BIN1: variants seen among roughly 807,000 people sequenced by gnomAD.
BIN1 encodes the protein myc box-dependent-interacting protein 1.
A neutral mutation model predicts 82.0 loss-of-function variants in BIN1; 53 were observed. The observed-to-expected ratio is 0.65, with a 90% CI of 0.52 to 0.81. BIN1 has a LOEUF of 0.81. Among genes scored for constraint, BIN1 ranks in the 40% least tolerant of loss-of-function variants. The pLI is 0.00. For synonymous variants in BIN1, 302 were observed against 328.0 expected, an observed-to-expected ratio of 0.92 and a Z score of 0.86; for missense variants, 642 against 784.4, an observed-to-expected ratio of 0.82 and a Z score of 2.17.
intron 7 of BIN1, among the ~76,000 whole-genome samples, chr2:127,066,246 A>T (rs2105030415): frequency 6.6e-6 from 1 of 152,320 alleles, no homozygotes; most frequent in South Asian, 2.1e-4. Context: ...GGGGACAAGG[A>T]GGATGTGCTC....
chr2:127,059,146 C>T lies in BIN1; in HGVS notation c.867G>A (p.Ala289=), dbSNP rs201839857. ...FTVKAQPSDN[A]PAKGNKSPSP... is the part of the protein sequence containing the mutation. ...AAGGGCTCTTGTTCCCTTTTGCAGGCGCGTTGTCACTGTGGGGGAGGACAA... is the reference window on the plus strand; with the variant it reads ...AAGGGCTCTTGTTCCCTTTTGCAGGTGCGTTGTCACTGTGGGGGAGGACAA... Residue 289 remains alanine (A), a synonymous_variant, in exon 11 of 19, where the codon GCG becomes GCA. Coordinates refer to ENST00000316724, the MANE Select transcript of BIN1 (RefSeq NM_139343.3). This position sits in a 1 kb window ranked among gnomAD's most constrained non-coding sequence, Gnocchi z 6.7. 47 of 1,577,810 alleles carry T rather than the reference C, an allele frequency of 3.0e-5. No homozygotes were observed. In the Admixed American group the frequency reaches 5.0e-4, roughly 17 times the overall value.
intron 1 of BIN1, among the ~76,000 whole-genome samples, chr2:127,089,682 C>T (rs569880676): frequency 5.7e-4 from 87 of 152,196 alleles, no homozygotes; most frequent in African/African-American, 2.1e-3. Context: ...CTCTGGATGA[C>T]CAGCTCAGGG....
intron 1 of BIN1, among the ~76,000 whole-genome samples, chr2:127,088,016 C>T (rs1414231426): frequency 3.9e-5 from 6 of 152,184 alleles, no homozygotes; most frequent in African/African-American, 1.2e-4. Context: ...CAGCTTCTTC[C>T]CCACCCAGCC....
intron 5 of BIN1, among the ~76,000 whole-genome samples, chr2:127,069,269 T>C (rs934106337): frequency 1.3e-5 from 2 of 152,186 alleles, no homozygotes; most frequent in African/African-American, 4.8e-5. Flanking sequence ...GTCCACCAGC[T>C]GGTGACGTGT....
At chr2:127,081,784 ACCCACCACCCAGCTGCT>A in intron 1 of BIN1, 1 of 1,283,466 alleles carries the variant, frequency 7.8e-7, no homozygotes, top group Non-Finnish European at 1.0e-6. Flanking sequence ...CCTCCCAGGC[ACCCACCACCCAGCTGCT>A]GAGACCCCAG....
intron 1 of BIN1, among the ~76,000 whole-genome samples, chr2:127,081,524 C>T (rs1032163361): frequency 3.9e-5 from 6 of 152,120 alleles, no homozygotes; most frequent in Non-Finnish European, 7.4e-5. Flanking sequence ...GTCTGAATGG[C>T]ATGGCCCAGG....
At chr2:127,080,953 G>T (rs1687214756) in intron 1 of BIN1, among the ~76,000 whole-genome samples, 1 of 152,242 alleles carries the variant, frequency 6.6e-6, no homozygotes, top group African/African-American at 2.4e-5. Flanking sequence ...CCGGCACCCG[G>T]GTCCACAGGG....
At chr2:127,104,348 A>G (rs1680747083) in intron 1 of BIN1, among the ~76,000 whole-genome samples, 1 of 152,220 alleles carries the variant, frequency 6.6e-6, no homozygotes, top group South Asian at 2.1e-4. Flanking sequence ...CAGTCAAAAA[A>G]GAGCTGGCTT....
chr2:127,073,443 G>A (rs928999451), intron 2 of BIN1, among the ~76,000 whole-genome samples: 1 of 152,180 alleles, frequency 6.6e-6, no homozygotes, highest in Admixed American at 6.5e-5. Context: ...CTGTGTCCCA[G>A]CTACAGGACT....
intron 1 of BIN1, among the ~76,000 whole-genome samples, chr2:127,085,160 A>C (rs1373107464): frequency 6.6e-6 from 1 of 151,936 alleles, no homozygotes; most frequent in Non-Finnish European, 1.5e-5. Context: ...AGCTACGGGC[A>C]GCTGGGCCCC....
chr2:127,069,358 C>T (rs541130062), intron 5 of BIN1, among the ~76,000 whole-genome samples: 3 of 152,330 alleles, frequency 2.0e-5, no homozygotes, highest in African/African-American at 7.2e-5. Context: ...GAGCTTGAGG[C>T]ATCTGCACTG....
intron 15 of BIN1, among the ~76,000 whole-genome samples, 167 bp downstream of exon 15, chr2:127,052,088 C>G (rs1187107199): frequency 6.6e-6 from 1 of 152,232 alleles, no homozygotes; most frequent in South Asian, 2.1e-4. Flanking sequence ...TCCCTGGCAG[C>G]CTTGGTGACA....
At chr2:127,069,731 A>AACACACACACAC (rs3832046) in intron 5 of BIN1, among the ~76,000 whole-genome samples, 180 of 147,692 alleles carry the variant, frequency 1.2e-3, no homozygotes, top group African/African-American at 4.1e-3. Context: ...ACTCCGCAGC[A>AACACACACACAC]ACACACACAC....
intron 1 of BIN1, among the ~76,000 whole-genome samples, chr2:127,078,546 G>A (rs1300243975): frequency 6.6e-6 from 1 of 152,170 alleles, no homozygotes; most frequent in East Asian, 1.9e-4. Flanking sequence ...GTGGCAGCAG[G>A]GGGCAGGTGG....
At position 127,102,283 on chromosome 2, in the gene BIN1, G is replaced by A. The variant is rs549565133; in HGVS notation, c.84+4577C>T. On this transcript the variant is annotated intron_variant, in intron 1 of 18. Coordinates refer to ENST00000316724, the MANE Select transcript of BIN1 (RefSeq NM_139343.3). ...TTGTAAGGGACCAGCTGGGCTGGAC[G>A]CTGAGTCCAGGGACAAGGACCTGGT... is the stretch of plus-strand genomic sequence containing the variant. 1.2e-3 allele frequency among the ~76,000 whole-genome samples: 176 copies of A among 152,296 alleles called. 1 individual carries two copies. Among genetic ancestry groups the A allele is most frequent in the Non-Finnish European group, 8.1e-4 (55 of 68,020 alleles).
chr2:127,057,858 G>C lies in BIN1; in HGVS notation c.1003-257C>G, dbSNP rs964549246. Among the ~76,000 whole-genome samples, 8 of 148,268 alleles carry C rather than the reference G, an allele frequency of 5.4e-5. No individual in the cohort carries two copies. The South Asian group carries it at 1.3e-3, about 25-fold the overall frequency. ...ACGCTGTGTGGAGAGAGAAGAGATA[G>C]AGAAGTGAGGGGAGAGGAGGAAGGA... On this transcript the variant is annotated intron_variant, in intron 11 of 18. Coordinates refer to ENST00000316724, the MANE Select transcript of BIN1 (RefSeq NM_139343.3). The surrounding 1 kb of genome is among the most constrained non-coding windows in gnomAD (Gnocchi z 5.0).
intron 1 of BIN1, among the ~76,000 whole-genome samples, chr2:127,089,456 G>A (rs1294591355): frequency 6.6e-6 from 1 of 152,198 alleles, no homozygotes; most frequent in Admixed American, 6.5e-5. Context: ...TGTGATCTGA[G>A]CTACTAGAGG....
At chr2:127,098,185 G>T (rs1288987329) in intron 1 of BIN1, among the ~76,000 whole-genome samples, 1 of 152,248 alleles carries the variant, frequency 6.6e-6, no homozygotes, top group East Asian at 1.9e-4. Context: ...GTAAGAAGTT[G>T]ACCCACAAAA....
At chr2:127,058,967 A>G (rs1406326504) in intron 11 of BIN1, 44 bp downstream of exon 11, 1 of 1,550,728 alleles carries the variant, frequency 6.4e-7, no homozygotes, top group Non-Finnish European at 8.7e-7. Context: ...GCCGGAGGAG[A>G]AGGAGGGAGG....
Sources: gnomAD v4.1 joint callset for allele counts (sites outside exome capture counted in the v4.1 genomes callset) on GRCh38, gnomAD v4.1.1 for gene constraint, Gnocchi (gnomAD v3.1) non-coding constraint, MANE v1.5 for transcripts, NCBI Gene and HGNC (gene_info 2026-07-23, HGNC 2026-07-21) for gene names.